The following FNBP4 variants were observed in gnomAD, a reference collection of about 807,000 sequenced individuals.
FNBP4 encodes formin-binding protein 4.
A neutral mutation model predicts 119.3 loss-of-function variants in FNBP4; 34 were observed. The ratio of observed to expected loss-of-function variants is 0.28; its 90% CI spans 0.22 to 0.38. FNBP4 has a LOEUF of 0.38. Ranked by LOEUF, FNBP4 falls within the 10% of genes least tolerant of loss-of-function variation. The pLI, the probability that FNBP4 is intolerant of heterozygous loss-of-function variation, is 1.00. For missense variants in FNBP4, 1,112 were observed against 1,228.9 expected (o/e 0.90, Z 1.42); for synonymous variants, 462 against 430.6 (o/e 1.07, Z -0.90).
intron 12 of FNBP4, among the ~76,000 whole-genome samples, chr11:47,730,983 G>A (rs2097566722): frequency 6.6e-6 from 1 of 152,178 alleles, no homozygotes; most frequent in African/African-American, 2.4e-5. Context: ...GTTGCAATAT[G>A]AACAGACTAA....
chr11:47,732,571 C>T lies in FNBP4; in HGVS notation c.1786G>A (p.Ala596Thr), dbSNP rs1052503908. Reference protein sequence around the residue: ...AEQLKQYEINATPKGWSCHWD... With the variant: ...AEQLKQYEINTTPKGWSCHWD... ...TGGCAGGACCAGCCTTTAGGAGTGGCGTTTATTTCATACTGTTTTAGTTGT... is the reference window on the plus strand; with the variant it reads ...TGGCAGGACCAGCCTTTAGGAGTGGTGTTTATTTCATACTGTTTTAGTTGT... Residue 596 changes from alanine (A) to threonine (T), a missense_variant, in exon 11 of 17, where the codon GCC becomes ACC. Ala to Thr is a moderately conservative substitution (Grantham distance 58). Transcript: ENST00000263773. This position sits in a 1 kb window ranked among gnomAD's most constrained non-coding sequence, Gnocchi z 4.2. The T allele has an allele frequency of 1.9e-6, 3 of 1,614,058 alleles. No individual in the cohort carries two copies. Among genetic ancestry groups the T allele is most frequent in the Admixed American group, 1.7e-5 (1 of 59,982 alleles).
chr11:47,724,422 G>A, intron 13 of FNBP4, 46 bp downstream of exon 13: 2 of 1,613,262 alleles, frequency 1.2e-6, no homozygotes, highest in African/African-American at 2.7e-5. Context: ...TGTCAATCAT[G>A]TTCCAGTCCT....
Position 47,765,374 on chromosome 11 carries a change from A to AAAAAAAG in FNBP4, c.221-13_221-12insCTTTTTT. The AAAAAAAG allele has an allele frequency of 1.9e-6, 2 of 1,032,480 alleles. No homozygotes were observed. Among genetic ancestry groups the AAAAAAAG allele is most frequent in the Non-Finnish European group, 1.4e-6 (1 of 701,906 alleles). 64.0% of individuals were successfully genotyped at this position (1,032,480 alleles called of 1,614,324 possible). On this transcript the variant is annotated splice_polypyrimidine_tract_variant and intron_variant, in intron 1 of 16. Coordinates refer to ENST00000263773, the MANE Select transcript of FNBP4 (RefSeq NM_015308.5). ...CGCTTCCTGTTCATCTGGATTAAAA[A>AAAAAAAG]AAAAGAAAAGAAAAGAAAAGAAAAG...
chr11:47,734,016 A>AG lies in FNBP4; in HGVS notation c.1686+8_1686+9insC. On this transcript the variant is annotated intron_variant, in intron 10 of 16. Transcript: ENST00000263773. The stretch of plus-strand genomic sequence containing the variant: ...TGTTTATGCCAAAAAAAAAAAAAAA[A>AG]AGACTTACCTCAGTCTGTAAGAGCA... 2 of 1,433,300 alleles carry AG rather than the reference A, an allele frequency of 1.4e-6. No homozygotes were observed. Among genetic ancestry groups the AG allele is most frequent in the Non-Finnish European group, 9.4e-7 (1 of 1,066,494 alleles). The allele number at this position is 1,433,300 out of a possible 1,614,324, so 88.8% of individuals were successfully genotyped here.
Position 47,765,374 on chromosome 11 carries a change from A to AAAAAGAAAAAAAAAG in FNBP4, c.221-13_221-12insCTTTTTTTTTCTTTT. The AAAAAGAAAAAAAAAG allele has an allele frequency of 9.7e-7, 1 of 1,032,482 alleles. No individual in the cohort carries two copies. The allele number at this position is 1,032,482 out of a possible 1,614,324, so 64.0% of individuals were successfully genotyped here. On this transcript the variant is annotated splice_polypyrimidine_tract_variant and intron_variant, in intron 1 of 16. Coordinates refer to ENST00000263773, the MANE Select transcript of FNBP4 (RefSeq NM_015308.5). Reference sequence around the variant, plus strand: ...CGCTTCCTGTTCATCTGGATTAAAAAAAAAGAAAAGAAAAGAAAAGAAAAG... The same window carrying AAAAAGAAAAAAAAAG: ...CGCTTCCTGTTCATCTGGATTAAAAAAAAAGAAAAAAAAAGAAAAGAAAAGAAAAGAAAAGAAAAG...
At chr11:47,735,946 C>T (rs998264692) in intron 9 of FNBP4, among the ~76,000 whole-genome samples, 4 of 151,846 alleles carry the variant, frequency 2.6e-5, no homozygotes, top group Non-Finnish European at 5.9e-5. Flanking sequence ...GGCGTGGTGG[C>T]GGGCACCTGT....
At chr11:47,745,165 T>C (rs577233407) in intron 7 of FNBP4, among the ~76,000 whole-genome samples, 3 of 152,222 alleles carry the variant, frequency 2.0e-5, no homozygotes, top group South Asian at 4.1e-4. Context: ...ATGAAATCAG[T>C]GCACCTTGAA....
intron 3 of FNBP4, 52 bp from the exon 4 acceptor site, chr11:47,753,154 C>T (rs773655368): frequency 1.4e-6 from 2 of 1,462,334 alleles, no homozygotes; most frequent in Admixed American, 4.8e-5. Context: ...AAACAAGAAA[C>T]TTAAGGAAAT....
chr11:47,717,619 G>A (rs191242727), intron 16 of FNBP4, 107 bp from the exon 17 acceptor site: 57 of 790,710 alleles, frequency 7.2e-5, no homozygotes, highest in Admixed American at 4.6e-4. Context: ...GATCTATCAC[G>A]TCTATGTTTA....
intron 7 of FNBP4, among the ~76,000 whole-genome samples, chr11:47,744,418 C>T (rs1256771182): frequency 7.8e-6 from 1 of 127,960 alleles, no homozygotes; most frequent in South Asian, 3.1e-4. Flanking sequence ...GAACTACAGG[C>T]ACATGTCATC....
At position 47,734,031 on chromosome 11, in the gene FNBP4, C is replaced by G. The variant is rs758501015; in HGVS notation, c.1680G>C (p.Gln560His). ...SISNFHVLLL[Q>H]TETRIADWRE... is the part of the protein sequence containing the mutation. ...AAAAAAAAAAAAGACTTACCTCAGT[C>G]TGTAAGAGCAGCACATGAAAGTTGG... Residue 560 changes from glutamine to histidine, a missense_variant, in exon 10 of 17, where the codon CAG becomes CAC. Gln to His is a conservative substitution (Grantham distance 24, BLOSUM62 0). Around this residue, in one of 2 missense-constraint regions of FNBP4, gnomAD observed 826 missense variants for 988.8 expected, o/e 0.84. Transcript: ENST00000263773. 2.8e-5 allele frequency: 38 copies of G among 1,353,218 alleles called. No homozygotes were observed. Among genetic ancestry groups the G allele is most frequent in the South Asian group, 2.5e-4 (19 of 75,434 alleles). The allele number at this position is 1,353,218 out of a possible 1,614,324, so 83.8% of individuals were successfully genotyped here. A position where few individuals can be genotyped will look rare whatever the true frequency, so the allele number is the denominator to read the frequency against.
intron 12 of FNBP4, among the ~76,000 whole-genome samples, chr11:47,728,327 G>C (rs891642089): frequency 6.7e-6 from 1 of 148,616 alleles, no homozygotes. Context: ...TTGGTTCACT[G>C]TAATCTCTGC....
chr11:47,742,402 C>T lies in FNBP4; in HGVS notation c.1456+1551G>A, dbSNP rs189379820. Among the ~76,000 whole-genome samples, 144 of 128,562 alleles carry T rather than the reference C, an allele frequency of 1.1e-3. 1 individual carries two copies. Among genetic ancestry groups the T allele is most frequent in the Middle Eastern group, 6.0e-3 (1 of 168 alleles). The allele number at this position is 128,562 out of a possible 152,430, so 84.3% of individuals were successfully genotyped here. A position where few individuals can be genotyped will look rare whatever the true frequency, so the allele number is the denominator to read the frequency against. ...GCTGAGGCAGAGAATTGCTTGACCCCGGGAGGTGGAGGTTCCAGTGAGCAG... is the reference window on the plus strand; with the variant it reads ...GCTGAGGCAGAGAATTGCTTGACCCTGGGAGGTGGAGGTTCCAGTGAGCAG... On this transcript the variant is annotated intron_variant, in intron 8 of 16. Transcript: ENST00000263773.
At chr11:47,722,954 TA>T in intron 15 of FNBP4, 21 bp downstream of exon 15, 24 of 1,475,480 alleles carry the variant, frequency 1.6e-5, no homozygotes, top group Non-Finnish European at 2.1e-5. Flanking sequence ...AATAAATTTT[TA>T]AAAAGGGAAA....
At position 47,751,152 on chromosome 11, in the gene FNBP4, T is replaced by G; in HGVS notation, c.776A>C (p.Tyr259Ser). Residue 259 changes from tyrosine to serine, a missense_variant, in exon 5 of 17, where the codon TAC becomes TCC. Tyr to Ser is a moderately radical substitution (Grantham distance 144). Around this residue, in one of 2 missense-constraint regions of FNBP4, gnomAD observed 826 missense variants for 988.8 expected, o/e 0.84. Transcript: ENST00000263773. Reference protein sequence around the residue: ...LATQVQGLQHYQPSSVPGAET... With the variant: ...LATQVQGLQHSQPSSVPGAET... ...TTAAATTTATTCTTACCTGGGCTGG[T>G]AATGCTGTAATCCCTGTACCTGTGT... The G allele has an allele frequency of 6.2e-7, 1 of 1,614,192 alleles. No individual in the cohort carries two copies. The highest frequency in any genetic ancestry group is 2.2e-5 in the East Asian group (1 of 44,890).
Position 47,724,532 on chromosome 11 carries a change from G to A in FNBP4, c.2255C>T (p.Ala752Val). The A allele has an allele frequency of 6.2e-7, 1 of 1,614,152 alleles. No homozygotes were observed. Among genetic ancestry groups the A allele is most frequent in the South Asian group, 1.1e-5 (1 of 91,076 alleles). Residue 752 changes from alanine to valine, a missense_variant, in exon 13 of 17, where the codon GCC becomes GTC. Transcript: ENST00000263773. The part of the protein sequence containing the change: ...MEDEGSEEPP[A>V]PGTEEDTPLK... ...AGGGGTATCTTCCTCTGTTCCTGGG[G>A]CAGGGGGCTCCTCACTTCCCTCATC...
At chr11:47,755,894 A>G (rs1416282987) in intron 2 of FNBP4, among the ~76,000 whole-genome samples, 1 of 152,222 alleles carries the variant, frequency 6.6e-6, no homozygotes, top group East Asian at 1.9e-4. Flanking sequence ...CAAATTGTTC[A>G]TAGATAGTAT....
Position 47,731,404 on chromosome 11 carries a change from T to A in FNBP4, c.1978A>T (p.Asn660Tyr), listed in dbSNP as rs1204113725. The A allele has an allele frequency of 6.2e-7, 1 of 1,613,472 alleles. No individual in the cohort carries two copies. The highest frequency in any genetic ancestry group is 1.3e-5 in the African/African-American group (1 of 74,880). ...TLKDKTGTDS[N>Y]STESSETSTG... ...GAAGTTTCAGAGGATTCTGTTGAAT[T>A]TGAATCAGTGCCAGTTTTGTCTTTC... Residue 660 changes from asparagine to tyrosine, a missense_variant, in exon 12 of 17, where the codon AAT (asparagine) becomes TAT (tyrosine). Transcript: ENST00000263773.
chr11:47,720,896 G>A (rs1207757638), intron 15 of FNBP4, among the ~76,000 whole-genome samples: 2 of 151,976 alleles, frequency 1.3e-5, no homozygotes, highest in Non-Finnish European at 2.9e-5. Context: ...TGAGGCAGGA[G>A]AATCGCTTCA....
Sources: allele counts gnomAD v4.1 joint callset (sites outside exome capture counted in the v4.1 genomes callset), GRCh38; gene constraint gnomAD v4.1.1; regional missense constraint gnomAD v4.1.1; non-coding constraint Gnocchi (gnomAD v3.1); transcripts MANE v1.5; gene names NCBI Gene and HGNC (gene_info 2026-07-23, HGNC 2026-07-21).